The following TUBAL3 variants were observed in gnomAD, a reference collection of about 807,000 sequenced individuals.
TUBAL3 encodes tubulin alpha chain-like 3.
Under a neutral mutation model 15.5 loss-of-function variants are expected in TUBAL3, and 16 were observed. That is an observed-to-expected ratio of 1.04 (90% CI 0.70 to 1.57). The LOEUF is 1.57. Ranked by LOEUF, TUBAL3 falls within the 40% of genes most tolerant of loss-of-function variation. The pLI is 0.00. For missense variants in TUBAL3, 609 were observed against 576.2 expected, an observed-to-expected ratio of 1.06 and a Z score of -0.58; for synonymous variants, 238 against 224.3, an observed-to-expected ratio of 1.06 and a Z score of -0.55.
At chr10:5,401,256 C>T (rs1032609243) in intron 1 of TUBAL3, among the ~76,000 whole-genome samples, 169 bp from the exon 2 acceptor site, 9 of 152,160 alleles carry the variant, frequency 5.9e-5, no homozygotes, top group Non-Finnish European at 1.3e-4. Context: ...ACCCAGGGTA[C>T]AGCTAAGCTT....
Position 5,401,083 on chromosome 10 carries a change from T to G in TUBAL3, c.8A>C (p.Glu3Ala), listed in dbSNP as rs868910090. Reference sequence around the variant, plus strand: ...TTGACCGATGTGGATGGAAAGGCACTCCCTCTAAAATAAGTCATGGTGAGT... The same window carrying G: ...TTGACCGATGTGGATGGAAAGGCACGCCCTCTAAAATAAGTCATGGTGAGT... MRECLSIHIGQAG... is the reference protein window; with the variant it reads MRACLSIHIGQAG... The change falls in exon 2 of 4, where the codon GAG becomes GCG. Residue 3 changes from glutamate (E) to alanine (A), a missense_variant. Glu to Ala is a moderately radical substitution (Grantham distance 107). Transcript: ENST00000380419. 6 of 1,614,034 alleles carry G rather than the reference T, an allele frequency of 3.7e-6. No homozygotes were observed. The African/African-American group carries it at 6.7e-5, about 18-fold the overall frequency.
Position 5,395,522 on chromosome 10 carries a change from A to AGCC in TUBAL3, c.248-50_248-48dup. ...CAGTGCAACTCACCCAGTGCAATTCAGCCGTCCACCTGCTGCTAGTCCTCC... is the reference window on the plus strand; with the variant it reads ...CAGTGCAACTCACCCAGTGCAATTCAGCCGCCGTCCACCTGCTGCTAGTCCTCC... On this transcript the variant is annotated intron_variant, in intron 2 of 3. Transcript: ENST00000380419. This position sits in a 1 kb window ranked among gnomAD's most constrained non-coding sequence, Gnocchi z 4.6. 1.5e-6 allele frequency: 2 copies of AGCC among 1,375,426 alleles called. No homozygotes were observed. Among genetic ancestry groups the AGCC allele is most frequent in the Non-Finnish European group, 1.9e-6 (2 of 1,049,680 alleles). The allele number at this position is 1,375,426 out of a possible 1,614,324, so 85.2% of individuals were successfully genotyped here.
intron 1 of TUBAL3, 119 bp from the exon 2 acceptor site, chr10:5,401,206 G>C: frequency 1.6e-6 from 2 of 1,229,424 alleles, no homozygotes; most frequent in South Asian, 2.9e-5. Context: ...ACGGAGGAAT[G>C]TGTTATAAGG....
At chr10:5,403,590 T>A (rs1342387678) in intron 1 of TUBAL3, among the ~76,000 whole-genome samples, 1 of 152,026 alleles carries the variant, frequency 6.6e-6, no homozygotes, top group Non-Finnish European at 1.5e-5. Flanking sequence ...TTCAAGTGAC[T>A]CAGAAAGCAG....
intron 1 of TUBAL3, among the ~76,000 whole-genome samples, chr10:5,404,580 C>T (rs368609523): frequency 1.3e-5 from 2 of 152,306 alleles, no homozygotes; most frequent in African/African-American, 4.8e-5. Context: ...TGAGCTTTAC[C>T]TTGAAAGAAG....
Position 5,393,969 on chromosome 10 carries a change from C to T in TUBAL3, c.889G>A (p.Asp297Asn). 1.2e-6 allele frequency: 2 copies of T among 1,614,198 alleles called. No homozygotes were observed. Among genetic ancestry groups the T allele is most frequent in the Non-Finnish European group, 1.7e-6 (2 of 1,180,046 alleles). The part of the protein sequence containing the change: ...KAYHEQFSVS[D>N]ITTACFESSN... ...GACTCAAAGCAGGCAGTGGTGATGT[C>T]TGACACAGAGAACTGCTCATGGTAG... The change falls in exon 4 of 4, where the codon GAC becomes AAC. Residue 297 changes from aspartate (D) to asparagine (N), a missense_variant. Coordinates refer to ENST00000380419, the MANE Select transcript of TUBAL3 (RefSeq NM_024803.3).
In TUBAL3 at chr10:5,393,969, C is replaced by G. The variant is rs1423694452; in HGVS notation, c.889G>C (p.Asp297His). ...GACTCAAAGCAGGCAGTGGTGATGT[C>G]TGACACAGAGAACTGCTCATGGTAG... ...KAYHEQFSVS[D>H]ITTACFESSN... The change falls in exon 4 of 4, where the codon GAC (aspartate) becomes CAC (histidine). Residue 297 changes from aspartate (D) to histidine (H), a missense_variant. Physicochemically the swap from Asp to His is moderately conservative, Grantham distance 81. Transcript: ENST00000380419. The G allele has an allele frequency of 7.4e-6, 12 of 1,614,080 alleles. No individual in the cohort carries two copies. Among genetic ancestry groups the G allele is most frequent in the Admixed American group, 1.7e-5 (1 of 59,998 alleles).
At position 5,397,539 on chromosome 10, in the gene TUBAL3, C is replaced by T. The variant is rs1302770623; in HGVS notation, c.248-2064G>A. Among the ~76,000 whole-genome samples, 2 of 152,042 alleles carry T rather than the reference C, an allele frequency of 1.3e-5. No homozygotes were observed. The highest frequency in any genetic ancestry group is 2.9e-5 in the Non-Finnish European group (2 of 68,014). ...GTTCATAATTTATTTCCATAAAATC[C>T]ATTATCTCAGGGCATAGTGGTTGCA... On this transcript the variant is annotated intron_variant, in intron 2 of 3. Transcript: ENST00000380419. This position sits in a 1 kb window ranked among gnomAD's most constrained non-coding sequence, Gnocchi z 4.9.
In TUBAL3 at chr10:5,394,040, TGTATTCTCGGATAAGGTACCAG is replaced by T; in HGVS notation, c.796_817del (p.Leu266IlefsTer4). On this transcript the variant is annotated frameshift_variant, in exon 4 of 4. Transcript: ENST00000380419. LOFTEE classifies it low-confidence loss of function (END_TRUNC). This position sits in a 1 kb window ranked among gnomAD's most constrained non-coding sequence, Gnocchi z 4.3. ...GGGGGCGAAGGCTGTCATGGGGAAA[TGTATTCTCGGATAAGGTACCAG>T]GTTGGTCTGGAATTCAATTAGGTCT... is the stretch of plus-strand genomic sequence containing the variant. 1 of 1,614,128 alleles carries T rather than the reference TGTATTCTCGGATAAGGTACCAG, an allele frequency of 6.2e-7. No individual in the cohort carries two copies. The highest frequency in any genetic ancestry group is 8.5e-7 in the Non-Finnish European group (1 of 1,180,022).
chr10:5,399,354 G>A (rs1554814436), intron 2 of TUBAL3, among the ~76,000 whole-genome samples: 1 of 152,200 alleles, frequency 6.6e-6, no homozygotes, highest in East Asian at 1.9e-4. Flanking sequence ...CATAAGGGTA[G>A]AGACTTCATT....
rs1449981008 is a variant in TUBAL3 at position 5,393,388 on chromosome 10, A to G, written c.*129T>C. 1 of 743,484 alleles carries G rather than the reference A, an allele frequency of 1.3e-6. No homozygotes were observed. The highest frequency in any genetic ancestry group is 1.8e-5 in the African/African-American group (1 of 56,866). 46.1% of individuals were successfully genotyped at this position (743,484 alleles called of 1,614,324 possible). A position where few individuals can be genotyped will look rare whatever the true frequency, so the allele number is the denominator to read the frequency against. On this transcript the variant is annotated 3_prime_UTR_variant, in exon 4 of 4. Transcript: ENST00000380419. ...ACTGACCCACTTAATTTAGTGTGGA[A>G]CCTAGAGTCTTGCCTGATTTGAGTT...
intron 2 of TUBAL3, among the ~76,000 whole-genome samples, chr10:5,400,530 C>A (rs1554814538): frequency 6.6e-6 from 1 of 152,166 alleles, no homozygotes; most frequent in Non-Finnish European, 1.5e-5. Flanking sequence ...TACTCAGAGG[C>A]TGAGGCAGGA....
intron 2 of TUBAL3, among the ~76,000 whole-genome samples, chr10:5,400,285 T>C (rs782048131): frequency 2.0e-5 from 3 of 152,210 alleles, no homozygotes; most frequent in Non-Finnish European, 2.9e-5. Flanking sequence ...TCTATTATGA[T>C]ATATGTGTGG....
Position 5,396,212 on chromosome 10 carries a change from C to T in TUBAL3, c.248-737G>A, listed in dbSNP as rs1554814150. On this transcript the variant is annotated intron_variant, in intron 2 of 3. Coordinates refer to ENST00000380419, the MANE Select transcript of TUBAL3 (RefSeq NM_024803.3). The surrounding 1 kb of genome is among the most constrained non-coding windows in gnomAD (Gnocchi z 5.1). Reference sequence around the variant, plus strand: ...TTGCGAACTGTGTGCTGGAAAGGCACACAGAAAGGCATATCCAGGGCACAG... The same window carrying T: ...TTGCGAACTGTGTGCTGGAAAGGCATACAGAAAGGCATATCCAGGGCACAG... Among the ~76,000 whole-genome samples the T allele has an allele frequency of 6.6e-6, 1 of 152,122 alleles. No homozygotes were observed.
chr10:5,403,624 C>A, intron 1 of TUBAL3, among the ~76,000 whole-genome samples: 1 of 151,998 alleles, frequency 6.6e-6, no homozygotes, highest in South Asian at 2.1e-4. Context: ...TTTTTGAAAT[C>A]AGCACGAATA....
Position 5,401,024 on chromosome 10 carries a change from G to C in TUBAL3, c.67C>G (p.Leu23Val), listed in dbSNP as rs782092896. 8.1e-6 allele frequency: 13 copies of C among 1,614,206 alleles called. No homozygotes were observed. The highest frequency in any genetic ancestry group is 1.1e-5 in the Non-Finnish European group (13 of 1,180,032). ...TGGATTCCATGTTCCAGGCAATAGA[G>C]TTCCCAGCAGGCGTCCCCAATCTGG... ...GIQIGDACWE[L>V]YCLEHGIQPN... is the part of the protein sequence containing the mutation. Residue 23 changes from leucine (L) to valine (V), a missense_variant, in exon 2 of 4, where the codon CTC becomes GTC. By Grantham distance (32) the Leu-to-Val change is conservative (BLOSUM62 1). Coordinates refer to ENST00000380419, the MANE Select transcript of TUBAL3 (RefSeq NM_024803.3).
At chr10:5,398,440 A>AAC (rs1564451543) in intron 2 of TUBAL3, among the ~76,000 whole-genome samples, 3 of 133,138 alleles carry the variant, frequency 2.3e-5, no homozygotes, top group Non-Finnish European at 3.2e-5. Flanking sequence ...AAAAAAAAAA[A>AAC]AAAAAAAACT....
chr10:5,395,290 G>A lies in TUBAL3; in HGVS notation c.396+37C>T, dbSNP rs782134965. 7.6e-6 allele frequency: 11 copies of A among 1,454,610 alleles called. No homozygotes were observed. The East Asian group carries it at 2.9e-4, about 38-fold the overall frequency. 90.1% of individuals were successfully genotyped at this position (1,454,610 alleles called of 1,614,324 possible). ...CTGCCGCAGGACCCCACATGCCCCA[G>A]GCACAGCCCACTCGGAGGAGAGGGG... is the stretch of plus-strand genomic sequence containing the variant. On this transcript the variant is annotated intron_variant, in intron 3 of 3. Coordinates refer to ENST00000380419, the MANE Select transcript of TUBAL3 (RefSeq NM_024803.3). This position sits in a 1 kb window ranked among gnomAD's most constrained non-coding sequence, Gnocchi z 4.6.
In TUBAL3 at chr10:5,393,649, G is replaced by T. The variant is rs1554813717; in HGVS notation, c.1209C>A (p.Asp403Glu). 15 of 1,614,052 alleles carry T rather than the reference G, an allele frequency of 9.3e-6. No homozygotes were observed. In the Middle Eastern group the frequency reaches 4.9e-4, roughly 53 times the overall value. The change falls in exon 4 of 4, where the codon GAC becomes GAA. Residue 403 changes from aspartate to glutamate, a missense_variant. Transcript: ENST00000380419. ...EAWARLDHKF[D>E]LMYAKRAFLH... ...GAAATGCTCTCTTGGCGTACATGAG[G>T]TCAAACTTGTGGTCCAGGCGGGCCC...
Sources: allele counts gnomAD v4.1 joint callset (sites outside exome capture counted in the v4.1 genomes callset), GRCh38; gene constraint gnomAD v4.1.1; non-coding constraint Gnocchi (gnomAD v3.1); transcripts MANE v1.5; gene names NCBI Gene and HGNC (gene_info 2026-07-23, HGNC 2026-07-21).